Variants in TBC1D22A observed in about 807,000 individuals in gnomAD.
TBC1D22A encodes putative GTPase activator.
A neutral mutation model predicts 60.2 loss-of-function variants in TBC1D22A; 38 were observed. The observed-to-expected ratio is 0.63, with a 90% CI of 0.49 to 0.83. The LOEUF is 0.83. Among genes scored for constraint, TBC1D22A ranks in the 40% least tolerant of loss-of-function variants. The pLI is 0.00. For missense variants in TBC1D22A, 628 were observed against 701.0 expected, an observed-to-expected ratio of 0.90 and a Z score of 1.18; for synonymous variants, 302 against 281.7, an observed-to-expected ratio of 1.07 and a Z score of -0.72.
At chr22:46,783,855 T>C (rs2084047188) in intron 1 of TBC1D22A, among the ~76,000 whole-genome samples, 1 of 152,176 alleles carries the variant, frequency 6.6e-6, no homozygotes, top group South Asian at 2.1e-4. Flanking sequence ...TTTATCTTTT[T>C]TAGCATTATA....
intron 4 of TBC1D22A, among the ~76,000 whole-genome samples, chr22:46,872,355 T>C (rs2067329634): frequency 6.6e-6 from 1 of 152,084 alleles, no homozygotes; most frequent in South Asian, 2.1e-4. Flanking sequence ...ACAAAGACAT[T>C]ATAAGAAAAG....
intron 4 of TBC1D22A, among the ~76,000 whole-genome samples, chr22:46,825,430 C>A (rs1043721995): frequency 1.3e-5 from 2 of 152,200 alleles, no homozygotes; most frequent in African/African-American, 4.8e-5. Flanking sequence ...TCTCTCCCTT[C>A]ATATGAATTA....
At chr22:47,067,145 A>G (rs906614108) in intron 11 of TBC1D22A, among the ~76,000 whole-genome samples, 1 of 152,146 alleles carries the variant, frequency 6.6e-6, no homozygotes, top group African/African-American at 2.4e-5. Context: ...ACGTGCCTAT[A>G]AACCCAGCTA....
At position 46,948,484 on chromosome 22, in the gene TBC1D22A, A is replaced by ACC. The variant is rs1393070550; in HGVS notation, c.1016-25805_1016-25804dup. 4.6e-5 allele frequency among the ~76,000 whole-genome samples: 7 copies of ACC among 152,064 alleles called. 1 individual carries two copies. The South Asian group carries it at 1.5e-3, about 32-fold the overall frequency. ...TGGGGGTAGAGTCTCCTCCACCAAA[A>ACC]CCTTGGTTGCAGTCATGAGCTTTGC... is the stretch of plus-strand genomic sequence containing the variant. On this transcript the variant is annotated intron_variant, in intron 8 of 12. Coordinates refer to ENST00000337137, the MANE Select transcript of TBC1D22A (RefSeq NM_014346.5).
At chr22:46,958,704 T>A (rs2073342657) in intron 8 of TBC1D22A, among the ~76,000 whole-genome samples, 4 of 152,244 alleles carry the variant, frequency 2.6e-5, no homozygotes, top group African/African-American at 7.2e-5. Flanking sequence ...GTTTTCTGTG[T>A]TCCAAAGGAG....
intron 8 of TBC1D22A, chr22:46,913,581 A>G (rs73478585): frequency 0.042 from 48,479 of 1,167,738 alleles, 2,689 homozygotes; most frequent in African/African-American, 0.25. Context: ...GGGAGAGGCT[A>G]CTCCTGAGGG....
At chr22:46,771,348 T>C (rs1288930808) in intron 1 of TBC1D22A, among the ~76,000 whole-genome samples, 2 of 152,134 alleles carry the variant, frequency 1.3e-5, no homozygotes, top group African/African-American at 4.8e-5. Context: ...TAATTTTTTA[T>C]TTCTATAGAT....
At chr22:47,173,369 A>G (rs1201942251) in intron 12 of TBC1D22A, 129 bp from the exon 13 acceptor site, 2 of 1,238,724 alleles carry the variant, frequency 1.6e-6, no homozygotes, top group Non-Finnish European at 1.1e-6. Context: ...GTTTTCCTGG[A>G]TCACCCGCCC....
chr22:46,972,355 G>A (rs9616183), intron 8 of TBC1D22A, among the ~76,000 whole-genome samples: 8,282 of 152,216 alleles, frequency 0.054, 319 homozygotes, highest in Non-Finnish European at 0.086. Flanking sequence ...CCACGGGACC[G>A]GCTCTCTGTG....
chr22:47,098,759 T>G (rs2079039102), intron 11 of TBC1D22A, among the ~76,000 whole-genome samples: 1 of 152,194 alleles, frequency 6.6e-6, no homozygotes, highest in African/African-American at 2.4e-5. Flanking sequence ...CCCGTTAACT[T>G]TGCTGACAGT....
chr22:46,982,864 G>T (rs1329017092), intron 9 of TBC1D22A, among the ~76,000 whole-genome samples: 1 of 152,076 alleles, frequency 6.6e-6, no homozygotes, highest in Non-Finnish European at 1.5e-5. Context: ...AGTGTGGAGC[G>T]GTGGCAGCGG....
Position 46,772,621 on chromosome 22 carries a change from T to C in TBC1D22A, c.62+9773T>C, listed in dbSNP as rs548630581. ...ACACACATATACATATATACATATA[T>C]ACACAAACACACATGCACCGCACTT... On this transcript the variant is annotated intron_variant, in intron 1 of 12. Transcript: ENST00000337137. Among the ~76,000 whole-genome samples the C allele has an allele frequency of 1.0e-4, 14 of 139,666 alleles. 1 individual carries two copies. Among genetic ancestry groups the C allele is most frequent in the Admixed American group, 2.2e-4 (3 of 13,592 alleles). The allele number at this position is 139,666 out of a possible 152,430, so 91.6% of individuals were successfully genotyped here.
Position 46,923,052 on chromosome 22 carries a change from T to G in TBC1D22A, c.1015+10864T>G, listed in dbSNP as rs184704929. On this transcript the variant is annotated intron_variant, in intron 8 of 12. Transcript: ENST00000337137. ...TTTGTCCATTCAGTGTGCTGTTGAT[T>G]GTGGGTTTGTCATAATTGGCTCTTA... 1.1e-4 allele frequency among the ~76,000 whole-genome samples: 17 copies of G among 152,344 alleles called. No individual in the cohort carries two copies. In the East Asian group the frequency reaches 2.1e-3, roughly 19 times the overall value.
At chr22:46,886,334 G>C (rs1009840575) in intron 5 of TBC1D22A, among the ~76,000 whole-genome samples, 2 of 152,158 alleles carry the variant, frequency 1.3e-5, no homozygotes, top group South Asian at 2.1e-4. Flanking sequence ...TGTCCCTCTC[G>C]AGTGCATCTT....
intron 12 of TBC1D22A, among the ~76,000 whole-genome samples, chr22:47,149,552 G>C (rs1403316947): frequency 6.6e-6 from 1 of 152,220 alleles, no homozygotes; most frequent in Non-Finnish European, 1.5e-5. Flanking sequence ...CCACTCCCCC[G>C]CCCAGGTGGG....
chr22:47,154,364 T>A (rs935468684), intron 12 of TBC1D22A, among the ~76,000 whole-genome samples: 2 of 152,150 alleles, frequency 1.3e-5, no homozygotes, highest in African/African-American at 4.8e-5. Context: ...TTTGGCTTGG[T>A]TTCATCTCTG....
intron 10 of TBC1D22A, among the ~76,000 whole-genome samples, chr22:47,021,371 T>C (rs772893543): frequency 1.3e-5 from 2 of 149,018 alleles, no homozygotes; most frequent in African/African-American, 2.5e-5. Flanking sequence ...ACCTGTATCC[T>C]GGAGCCCTGA....
intron 10 of TBC1D22A, among the ~76,000 whole-genome samples, chr22:47,029,888 G>A (rs7290113): frequency 0.021 from 3,251 of 152,330 alleles, 102 homozygotes; most frequent in African/African-American, 0.073. Context: ...GGCCTGGGCC[G>A]GGGCTGCTGC....
In TBC1D22A at chr22:46,762,676, G is replaced by C. The variant is rs1656384810; in HGVS notation, c.-111G>C. On this transcript the variant is annotated 5_prime_UTR_variant, in exon 1 of 13. Coordinates refer to ENST00000337137, the MANE Select transcript of TBC1D22A (RefSeq NM_014346.5). Reference sequence around the variant, plus strand: ...GAAGAGCTTCTCGGCTCTAGGCTCTGGAGTCCCGGGAGCAGTGAGGGGCCA... The same window carrying C: ...GAAGAGCTTCTCGGCTCTAGGCTCTCGAGTCCCGGGAGCAGTGAGGGGCCA... 1 of 896,296 alleles carries C rather than the reference G, an allele frequency of 1.1e-6. No homozygotes were observed. The highest frequency in any genetic ancestry group is 4.2e-5 in the Admixed American group (1 of 23,566). 55.5% of individuals were successfully genotyped at this position (896,296 alleles called of 1,614,324 possible).
Sources: gnomAD v4.1 joint callset for allele counts (sites outside exome capture counted in the v4.1 genomes callset) on GRCh38, gnomAD v4.1.1 for gene constraint, MANE v1.5 for transcripts, NCBI Gene and HGNC (gene_info 2026-07-23, HGNC 2026-07-21) for gene names.